EPB41L4A: variants seen among roughly 807,000 people sequenced by gnomAD.
EPB41L4A encodes erythrocyte membrane protein band 4.1 like 4A.
A neutral mutation model predicts 108.6 loss-of-function variants in EPB41L4A; 100 were observed. The ratio of observed to expected loss-of-function variants is 0.92; its 90% CI spans 0.78 to 1.09. The LOEUF is 1.09. EPB41L4A is among the 50% of genes least tolerant of loss of function. EPB41L4A has a pLI of 0.00. For missense variants in EPB41L4A, 1,030 were observed against 842.7 expected, an observed-to-expected ratio of 1.22 and a Z score of -2.75; for synonymous variants, 319 against 289.0, an observed-to-expected ratio of 1.10 and a Z score of -1.05.
chr5:112,399,125 C>A (rs183252132), intron 1 of EPB41L4A, among the ~76,000 whole-genome samples: 1 of 152,206 alleles, frequency 6.6e-6, no homozygotes, highest in East Asian at 1.9e-4. Context: ...CCTCTCAATA[C>A]ACCCTCCCCT....
chr5:112,308,727 G>C (rs138588210), intron 1 of EPB41L4A, among the ~76,000 whole-genome samples: 119 of 152,138 alleles, frequency 7.8e-4, no homozygotes, highest in African/African-American at 2.8e-3. Flanking sequence ...ATTTCTCAGA[G>C]GTAAAAATCT....
Position 112,266,273 on chromosome 5 carries a change from G to T in EPB41L4A, c.393C>A (p.Pro131=). 6.2e-7 allele frequency: 1 copy of T among 1,611,048 alleles called. No homozygotes were observed. The highest frequency in any genetic ancestry group is 8.5e-7 in the Non-Finnish European group (1 of 1,178,900). ...CTCCCAGCTGAGCAGCAGTGTTGAC[G>T]GGACAGGGCAGACGGCCCTGAAGGA... ...QDVLQGRLPC[P]VNTAAQLGAY... The change falls in exon 5 of 23, where the codon CCC becomes CCA. Residue 131 remains proline (P), a synonymous_variant. Transcript: ENST00000261486.
Position 112,419,247 on chromosome 5 carries a change from C to T in EPB41L4A, c.-208G>A, listed in dbSNP as rs893457976. On this transcript the variant is annotated 5_prime_UTR_variant, in exon 1 of 23. Coordinates refer to ENST00000261486, the MANE Select transcript of EPB41L4A (RefSeq NM_022140.5). ...GGAAAAGCCCGGGAGAGTCAGCGCC[C>T]GGGAGCCGCCGGGGAAGCGCCGGCG... is the stretch of plus-strand genomic sequence containing the variant. The T allele has an allele frequency of 1.2e-5, 5 of 409,002 alleles. No individual in the cohort carries two copies. Among genetic ancestry groups the T allele is most frequent in the African/African-American group, 6.5e-5 (3 of 46,490 alleles). 25.3% of individuals were successfully genotyped at this position (409,002 alleles called of 1,614,324 possible).
rs779599281 is a variant in EPB41L4A, at chr5:112,170,959, T to C, written c.1656A>G (p.Leu552=). 4 of 1,613,648 alleles carry C rather than the reference T, an allele frequency of 2.5e-6. No homozygotes were observed. The South Asian group carries it at 4.4e-5, about 18-fold the overall frequency. Residue 552 remains leucine, a synonymous_variant, in exon 19 of 23, where the codon TTA becomes TTG. Coordinates refer to ENST00000261486, the MANE Select transcript of EPB41L4A (RefSeq NM_022140.5). The part of the protein sequence containing the change: ...RSPDIQAKEE[L]WKHIQKELVD... Reference sequence around the variant, plus strand: ...CTATTACTCACTGAATGTGCTTCCATAACTCTTCTTTTGCTTGGATATCGG... The same window carrying C: ...CTATTACTCACTGAATGTGCTTCCACAACTCTTCTTTTGCTTGGATATCGG...
intron 15 of EPB41L4A, 49 bp downstream of exon 15, chr5:112,204,325 CA>C (rs1561472776): frequency 7.7e-7 from 1 of 1,293,260 alleles, no homozygotes; most frequent in African/African-American, 1.5e-5. Context: ...AGGCCTGGGA[CA>C]AAATGCTTCT....
intron 12 of EPB41L4A, among the ~76,000 whole-genome samples, chr5:112,226,707 C>T (rs1006279406): frequency 6.7e-6 from 1 of 150,108 alleles, no homozygotes; most frequent in African/African-American, 2.5e-5. Flanking sequence ...AAAAAAAAAT[C>T]AGAGAAGAAA....
chr5:112,415,274 G>C (rs1762646114), intron 1 of EPB41L4A, among the ~76,000 whole-genome samples: 1 of 152,098 alleles, frequency 6.6e-6, no homozygotes. Flanking sequence ...TTATTTAGTA[G>C]TTAATGGATG....
At chr5:112,313,987 C>T (rs978316485) in intron 1 of EPB41L4A, among the ~76,000 whole-genome samples, 2 of 151,298 alleles carry the variant, frequency 1.3e-5, no homozygotes, top group South Asian at 4.2e-4. Context: ...CCTCAGCCTC[C>T]GAAGTAGCTG....
In EPB41L4A at chr5:112,419,203, G is replaced by T; in HGVS notation, c.-164C>A. ...GGACCGGCCGCCGAACCGCCCGGCG[G>T]GGCGGGAGCGAGAAAGGCGGAAAAG... On this transcript the variant is annotated 5_prime_UTR_variant, in exon 1 of 23. Transcript: ENST00000261486. 2.0e-6 allele frequency: 1 copy of T among 511,978 alleles called. No homozygotes were observed. Among genetic ancestry groups the T allele is most frequent in the African/African-American group, 2.1e-5 (1 of 48,728 alleles). 31.7% of individuals were successfully genotyped at this position (511,978 alleles called of 1,614,324 possible).
At chr5:112,189,467 C>T (rs1051059599) in intron 17 of EPB41L4A, among the ~76,000 whole-genome samples, 3 of 152,178 alleles carry the variant, frequency 2.0e-5, no homozygotes, top group Admixed American at 2.0e-4. Flanking sequence ...CCCAGATTTG[C>T]ATGTACATAT....
At chr5:112,353,584 G>A (rs1758186395) in intron 1 of EPB41L4A, among the ~76,000 whole-genome samples, 1 of 152,152 alleles carries the variant, frequency 6.6e-6, no homozygotes, top group Non-Finnish European at 1.5e-5. Context: ...ACCTGTGGGA[G>A]GTGTGTACAA....
At position 112,366,498 on chromosome 5, in the gene EPB41L4A, G is replaced by A. The variant is rs181112564; in HGVS notation, c.99+52443C>T. Among the ~76,000 whole-genome samples, 97 of 152,134 alleles carry A rather than the reference G, an allele frequency of 6.4e-4. 1 individual carries two copies. Among genetic ancestry groups the A allele is most frequent in the African/African-American group, 2.3e-3 (94 of 41,510 alleles). ...CCCAACACCACACTTGGAAGAGCAA[G>A]GGGTGGGAGGTATCATCAGAATCCA... On this transcript the variant is annotated intron_variant, in intron 1 of 22. Transcript: ENST00000261486.
At chr5:112,317,627 T>C (rs940720003) in intron 1 of EPB41L4A, among the ~76,000 whole-genome samples, 2 of 152,206 alleles carry the variant, frequency 1.3e-5, no homozygotes, top group Non-Finnish European at 2.9e-5. Context: ...TAGAGTTTTC[T>C]AGCGGTCACA....
At chr5:112,254,114 A>C (rs1262853680) in intron 9 of EPB41L4A, among the ~76,000 whole-genome samples, 1 of 152,198 alleles carries the variant, frequency 6.6e-6, no homozygotes, top group Non-Finnish European at 1.5e-5. Flanking sequence ...GGTATTATAC[A>C]TAAAAGTAAG....
chr5:112,168,765 C>T lies in EPB41L4A; in HGVS notation c.1906G>A (p.Gly636Ser), dbSNP rs756460326. 7 of 1,614,028 alleles carry T rather than the reference C, an allele frequency of 4.3e-6. No homozygotes were observed. Among genetic ancestry groups the T allele is most frequent in the Non-Finnish European group, 5.9e-6 (7 of 1,179,916 alleles). The change falls in exon 22 of 23, where the codon GGT becomes AGT. Residue 636 changes from glycine to serine, a missense_variant. Coordinates refer to ENST00000261486, the MANE Select transcript of EPB41L4A (RefSeq NM_022140.5). ...TGATGAACTGTAGCATCCCCAGAAC[C>T]CTGAGCATCCGAAGAACGGGTCACC... ...LPVTRSSDAQ[G>S]SGDATVHQRR...
chr5:112,274,882 T>C (rs1752514009), intron 4 of EPB41L4A, among the ~76,000 whole-genome samples: 1 of 152,198 alleles, frequency 6.6e-6, no homozygotes, highest in Non-Finnish European at 1.5e-5. Flanking sequence ...TATCTTCTCA[T>C]TTCCTATAGA....
intron 4 of EPB41L4A, among the ~76,000 whole-genome samples, chr5:112,273,293 A>C (rs1752396838): frequency 2.0e-5 from 3 of 152,234 alleles, no homozygotes; most frequent in Admixed American, 1.3e-4. Flanking sequence ...AGCTGGTCTA[A>C]AACTTTCAAT....
intron 1 of EPB41L4A, among the ~76,000 whole-genome samples, chr5:112,353,530 G>A (rs1263933278): frequency 6.6e-6 from 1 of 151,952 alleles, no homozygotes; most frequent in East Asian, 1.9e-4. Context: ...GGTGGGTAGC[G>A]TTGGTGGGGG....
intron 1 of EPB41L4A, among the ~76,000 whole-genome samples, chr5:112,324,696 T>C (rs1245475714): frequency 6.9e-6 from 1 of 144,072 alleles, no homozygotes; most frequent in African/African-American, 2.6e-5. Flanking sequence ...CACTCCATCC[T>C]GGGTGACAGA....
Sources: allele counts gnomAD v4.1 joint callset (sites outside exome capture counted in the v4.1 genomes callset), GRCh38; gene constraint gnomAD v4.1.1; transcripts MANE v1.5; gene names NCBI Gene and HGNC (gene_info 2026-07-23, HGNC 2026-07-21).